NOTCH1: variants seen among roughly 807,000 people sequenced by gnomAD.
The protein encoded by NOTCH1 is notch receptor 1.
NOTCH1 carries 37 observed loss-of-function variants against 254.8 expected under a neutral mutation model. That is an observed-to-expected ratio of 0.15 (90% confidence interval 0.11 to 0.19). The LOEUF is 0.19. Ranked by LOEUF, NOTCH1 falls within the 10% of genes least tolerant of loss-of-function variation. The pLI, the probability that NOTCH1 is intolerant of heterozygous loss-of-function variation, is 1.00. For synonymous variants in NOTCH1, 1,731 were observed against 1,618.1 expected (o/e 1.07, Z -1.68); for missense variants, 2,972 against 3,708.6 (o/e 0.80, Z 5.16).
intron 15 of NOTCH1, 101 bp downstream of exon 15, chr9:136,512,920 G>GCCCCCCCCCCT: frequency 2.9e-6 from 1 of 350,154 alleles, no homozygotes; most frequent in Non-Finnish European, 5.7e-6. Context: ...CCCACCCCTG[G>GCCCCCCCCCCT]CCCCACCCTC....
At chr9:136,543,820 A>G (rs1394787989) in intron 2 of NOTCH1, 1 of 657,328 alleles carries the variant, frequency 1.5e-6, no homozygotes, top group East Asian at 2.7e-5. Flanking sequence ...AGCCCTCAGC[A>G]GCCAGACCAG....
intron 5 of NOTCH1, 63 bp from the exon 6 acceptor site, chr9:136,518,887 A>G (rs1204810200): frequency 1.4e-6 from 2 of 1,479,182 alleles, no homozygotes; most frequent in Non-Finnish European, 1.9e-6. Flanking sequence ...CTGTCCCCTA[A>G]GACGCAGGGT....
chr9:136,508,419 G>A (rs746705419), intron 19 of NOTCH1, 34 bp from the exon 20 acceptor site: 18 of 1,612,390 alleles, frequency 1.1e-5, no homozygotes, highest in South Asian at 7.7e-5. Flanking sequence ...GGGTGCCCGC[G>A]CCCCGGCCAT....
At position 136,513,232 on chromosome 9, in the gene NOTCH1, CCCT is replaced by C. The variant is rs948673675; in HGVS notation, c.2354-101_2354-99del. 6 of 1,448,348 alleles carry C rather than the reference CCCT, an allele frequency of 4.1e-6. No individual in the cohort carries two copies. Among genetic ancestry groups the C allele is most frequent in the Non-Finnish European group, 5.8e-6 (6 of 1,036,946 alleles). The allele number at this position is 1,448,348 out of a possible 1,614,324, so 89.7% of individuals were successfully genotyped here. A position where few individuals can be genotyped will look rare whatever the true frequency, so the allele number is the denominator to read the frequency against. Reference sequence around the variant, plus strand: ...CCTGGGCCTGCTCCCCACCCCAGGCCCCTCCTCATCTCCAAGAGCCAGAGGCCT... The same window carrying C: ...CCTGGGCCTGCTCCCCACCCCAGGCCCCTCATCTCCAAGAGCCAGAGGCCT... On this transcript the variant is annotated intron_variant, in intron 14 of 33. Coordinates refer to ENST00000651671, the MANE Select transcript of NOTCH1 (RefSeq NM_017617.5). The surrounding 1 kb of genome is among the most constrained non-coding windows in gnomAD (Gnocchi z 4.7).
chr9:136,515,428 C>T (rs1241536213), intron 11 of NOTCH1, 28 bp from the exon 12 acceptor site: 3 of 1,612,278 alleles, frequency 1.9e-6, no homozygotes, highest in Non-Finnish European at 2.5e-6. Flanking sequence ...GTCGGTCAGT[C>T]CTCAGGCCCG....
chr9:136,518,981 C>T lies in NOTCH1; in HGVS notation c.866-157G>A, dbSNP rs1412712544. Among the ~76,000 whole-genome samples the T allele has an allele frequency of 2.6e-5, 4 of 152,220 alleles. No homozygotes were observed. In the East Asian group the frequency reaches 7.7e-4, roughly 29 times the overall value. ...CTAAATCACTCCTTCCTCTGCAGGC[C>T]CAGCACCATGGAGTCTTGCCTCCTC... On this transcript the variant is annotated intron_variant, in intron 5 of 33. Transcript: ENST00000651671.
Position 136,520,213 on chromosome 9 carries a change from C to T in NOTCH1, c.743-648G>A, listed in dbSNP as rs1039242660. Among the ~76,000 whole-genome samples, 5 of 152,204 alleles carry T rather than the reference C, an allele frequency of 3.3e-5. No individual in the cohort carries two copies. In the South Asian group the frequency reaches 6.2e-4, roughly 19 times the overall value. Reference sequence around the variant, plus strand: ...TGGTTCAATGATCAACCCAGAAAGGCGCGTTCGGCAACAGCCAAACCTGCA... The same window carrying T: ...TGGTTCAATGATCAACCCAGAAAGGTGCGTTCGGCAACAGCCAAACCTGCA... On this transcript the variant is annotated intron_variant, in intron 4 of 33. Coordinates refer to ENST00000651671, the MANE Select transcript of NOTCH1 (RefSeq NM_017617.5).
rs989398598 is a variant in NOTCH1 at position 136,505,699 on chromosome 9, G to A, written c.4197C>T (p.Asn1399=). ...SPCLGGNPCY[N]QGTCEPTSES... The stretch of plus-strand genomic sequence containing the variant: ...CGGATGTGGGCTCACAGGTCCCCTG[G>A]TTGTAGCAGGGGTTGCCGCCCAGGC... The change falls in exon 25 of 34, where the codon AAC becomes AAT. Residue 1399 remains asparagine (N), a synonymous_variant. Coordinates refer to ENST00000651671, the MANE Select transcript of NOTCH1 (RefSeq NM_017617.5). The A allele has an allele frequency of 3.1e-6, 5 of 1,606,944 alleles. No homozygotes were observed. Among genetic ancestry groups the A allele is most frequent in the Non-Finnish European group, 1.7e-6 (2 of 1,176,076 alleles).
chr9:136,511,633 C>G (rs958225312), intron 15 of NOTCH1, among the ~76,000 whole-genome samples: 9 of 152,218 alleles, frequency 5.9e-5, no homozygotes, highest in Non-Finnish European at 1.2e-4. Flanking sequence ...CTGCAGGGAC[C>G]TGGGCCCACC....
In NOTCH1 at chr9:136,506,467, G is replaced by A. The variant is rs567679460; in HGVS notation, c.4014+60C>T. On this transcript the variant is annotated intron_variant, in intron 24 of 33. Transcript: ENST00000651671. The surrounding 1 kb of genome is among the most constrained non-coding windows in gnomAD (Gnocchi z 4.5). Reference sequence around the variant, plus strand: ...CCGGTCTGCGCCCCGAGGCCCCCACGTGGACCTCTCCAGGTGTCTCCCCTG... The same window carrying A: ...CCGGTCTGCGCCCCGAGGCCCCCACATGGACCTCTCCAGGTGTCTCCCCTG... 9.5e-6 allele frequency: 14 copies of A among 1,473,396 alleles called. No individual in the cohort carries two copies. The highest frequency in any genetic ancestry group is 2.0e-5 in the Admixed American group (1 of 50,700). The allele number at this position is 1,473,396 out of a possible 1,614,324, so 91.3% of individuals were successfully genotyped here.
At chr9:136,510,956 A>G (rs929388323) in intron 16 of NOTCH1, 151 bp from the exon 17 acceptor site, 2 of 1,395,306 alleles carry the variant, frequency 1.4e-6, no homozygotes, top group Non-Finnish European at 2.0e-6. Flanking sequence ...ATTTTGGCCT[A>G]AGAAGGTCAC....
intron 24 of NOTCH1, 37 bp from the exon 25 acceptor site, chr9:136,505,918 G>A: frequency 6.6e-7 from 1 of 1,517,790 alleles, no homozygotes; most frequent in Non-Finnish European, 8.8e-7. Context: ...GTCGGGGTGG[G>A]CCACCCCCCG....
At chr9:136,535,165 C>T (rs560250693) in intron 2 of NOTCH1, among the ~76,000 whole-genome samples, 1 of 151,828 alleles carries the variant, frequency 6.6e-6, no homozygotes, top group South Asian at 2.1e-4. Context: ...GGTGTCTGGG[C>T]TGCAGCTGAG....
chr9:136,531,005 G>A (rs1204474355), intron 2 of NOTCH1, among the ~76,000 whole-genome samples: 1 of 152,248 alleles, frequency 6.6e-6, no homozygotes, highest in East Asian at 1.9e-4. Context: ...GGCAGGAAGG[G>A]GCTCCCCGGA....
Position 136,495,736 on chromosome 9 carries a change from A to G in NOTCH1, c.*335T>C, listed in dbSNP as rs1842904579. ...AATCAATAAATAAATGGCATTTATA[A>G]ATCATGAATCTTTGTTTATATTTTA... is the stretch of plus-strand genomic sequence containing the variant. On this transcript the variant is annotated 3_prime_UTR_variant, in exon 34 of 34. Coordinates refer to ENST00000651671, the MANE Select transcript of NOTCH1 (RefSeq NM_017617.5). The G allele has an allele frequency of 2.4e-6, 1 of 409,432 alleles. No individual in the cohort carries two copies. Among genetic ancestry groups the G allele is most frequent in the Non-Finnish European group, 4.3e-6 (1 of 231,830 alleles). 25.4% of individuals were successfully genotyped at this position (409,432 alleles called of 1,614,324 possible).
In NOTCH1 at chr9:136,497,327, G is replaced by A. The variant is rs1487162645; in HGVS notation, c.6412C>T (p.Pro2138Ser). Reference protein sequence around the residue: ...PLGGTPTLSPPLCSPNGYLGS... With the variant: ...PLGGTPTLSPSLCSPNGYLGS... ...AGGTAGCCGTTGGGCGAGCAGAGCG[G>A]GGGCGACAGGGTGGGCGTGCCCCCC... Residue 2138 changes from proline (P) to serine (S), a missense_variant, in exon 34 of 34, where the codon CCG (proline) becomes TCG (serine). Pro to Ser is a moderately conservative substitution (Grantham distance 74, BLOSUM62 -1). Transcript: ENST00000651671. 1 of 1,606,244 alleles carries A rather than the reference G, an allele frequency of 6.2e-7. No homozygotes were observed. The highest frequency in any genetic ancestry group is 2.2e-5 in the East Asian group (1 of 44,848).
At chr9:136,524,432 A>G (rs552487579) in intron 2 of NOTCH1, among the ~76,000 whole-genome samples, 68 of 152,316 alleles carry the variant, frequency 4.5e-4, no homozygotes, top group African/African-American at 1.6e-3. Flanking sequence ...GCGGAGAGCC[A>G]TGGAGAGGAG....
At chr9:136,535,474 T>G in intron 2 of NOTCH1, among the ~76,000 whole-genome samples, 1 of 120,836 alleles carries the variant, frequency 8.3e-6, no homozygotes, top group African/African-American at 4.1e-5. Flanking sequence ...CGGGGAGCAC[T>G]CAGGATCCCT....
At chr9:136,515,892 C>T (rs900818109) in intron 10 of NOTCH1, 89 bp downstream of exon 10, 100 of 1,241,566 alleles carry the variant, frequency 8.1e-5, no homozygotes, top group Middle Eastern at 2.6e-4. Flanking sequence ...GTGGCCCAGA[C>T]CAAGGTGTCC....
Sources: allele counts gnomAD v4.1 joint callset (sites outside exome capture counted in the v4.1 genomes callset), GRCh38; gene constraint gnomAD v4.1.1; non-coding constraint Gnocchi (gnomAD v3.1); transcripts MANE v1.5; gene names NCBI Gene and HGNC (gene_info 2026-07-23, HGNC 2026-07-21).